The following NUBPL variants were observed in gnomAD, a reference collection of about 807,000 sequenced individuals.
NUBPL encodes iron-sulfur cluster transfer protein NUBPL.
NUBPL carries 31 observed loss-of-function variants against 45.7 expected under a neutral mutation model. That is an observed-to-expected ratio of 0.68 (90% CI 0.51 to 0.92). NUBPL has a LOEUF of 0.92. NUBPL is among the 40% of genes least tolerant of loss of function. The probability of loss-of-function intolerance (pLI) is 0.00; values close to 1 mark genes in which losing one functional copy is unlikely to be tolerated. For missense variants in NUBPL, 401 were observed against 398.7 expected (o/e 1.01, Z -0.05); for synonymous variants, 144 against 140.9 (o/e 1.02, Z -0.15).
chr14:31,593,880 G>A (rs1346626304), intron 3 of NUBPL, among the ~76,000 whole-genome samples: 1 of 152,126 alleles, frequency 6.6e-6, no homozygotes, highest in African/African-American at 2.4e-5. Context: ...GAAGCTGCAA[G>A]ACAGTAATAT....
At chr14:31,799,392 C>G (rs2138858618) in intron 7 of NUBPL, among the ~76,000 whole-genome samples, 1 of 152,186 alleles carries the variant, frequency 6.6e-6, no homozygotes, top group Admixed American at 6.5e-5. Context: ...ATATTTAGTA[C>G]CTTACTAAAC....
intron 4 of NUBPL, among the ~76,000 whole-genome samples, chr14:31,626,481 C>T (rs2035210803): frequency 6.6e-6 from 1 of 152,202 alleles, no homozygotes; most frequent in Non-Finnish European, 1.5e-5. Flanking sequence ...CATATAATCT[C>T]TGTAACCTTC....
intron 7 of NUBPL, among the ~76,000 whole-genome samples, chr14:31,803,190 A>C (rs1224603787): frequency 6.6e-6 from 1 of 152,230 alleles, no homozygotes; most frequent in African/African-American, 2.4e-5. Flanking sequence ...TGACCCATGC[A>C]CCATTACTTT....
At chr14:31,754,475 T>G (rs554998454) in intron 6 of NUBPL, among the ~76,000 whole-genome samples, 1 of 152,118 alleles carries the variant, frequency 6.6e-6, no homozygotes, top group Non-Finnish European at 1.5e-5. Context: ...TGGAAAATCC[T>G]GTAGGAGAAA....
rs373055016 is a variant in NUBPL at position 31,562,221 on chromosome 14, A to G, written c.256+6A>G. ...CGGAAAATCTACTACAGCAGGTATT[A>G]TAGGATATTAATTCTATTCCTGATT... On this transcript the variant is annotated splice_donor_region_variant and intron_variant, in intron 2 of 10. Transcript: ENST00000281081. 209 of 1,611,782 alleles carry G rather than the reference A, an allele frequency of 1.3e-4. No individual in the cohort carries two copies. The highest frequency in any genetic ancestry group is 1.6e-4 in the Non-Finnish European group (190 of 1,178,482).
Position 31,638,783 on chromosome 14 carries a change from C to T in NUBPL, c.383-34572C>T, listed in dbSNP as rs577101116. On this transcript the variant is annotated intron_variant, in intron 4 of 10. Coordinates refer to ENST00000281081, the MANE Select transcript of NUBPL (RefSeq NM_025152.3). ...TCCCATATCTCTTGAAGGCTTTGTT[C>T]GTTTCTATTCTTTTTTCTCTAAACT... 1.1e-4 allele frequency among the ~76,000 whole-genome samples: 17 copies of T among 152,090 alleles called. No individual in the cohort carries two copies. In the East Asian group the frequency reaches 1.4e-3, roughly 12 times the overall value.
chr14:31,726,633 A>C (rs1217196012), intron 6 of NUBPL, among the ~76,000 whole-genome samples: 1 of 146,920 alleles, frequency 6.8e-6, no homozygotes, highest in Admixed American at 7.0e-5. Flanking sequence ...ATGTCTAGAG[A>C]GCACCATGCT....
At chr14:31,799,421 G>C (rs2039541290) in intron 7 of NUBPL, among the ~76,000 whole-genome samples, 1 of 152,072 alleles carries the variant, frequency 6.6e-6, no homozygotes, top group Admixed American at 6.5e-5. Flanking sequence ...AAGAAATAAG[G>C]TAATTTCTTA....
At chr14:31,730,463 CTTTTTT>C (rs1219334725) in intron 6 of NUBPL, among the ~76,000 whole-genome samples, 1 of 137,890 alleles carries the variant, frequency 7.3e-6, no homozygotes, top group Non-Finnish European at 1.6e-5. Flanking sequence ...ATCAAGTAAT[CTTTTTT>C]TTTTTTTTTT....
intron 4 of NUBPL, among the ~76,000 whole-genome samples, chr14:31,625,932 A>G (rs577212622): frequency 6.6e-6 from 1 of 152,158 alleles, no homozygotes; most frequent in Non-Finnish European, 1.5e-5. Flanking sequence ...TACCCCGATA[A>G]GGCTTGCAAT....
chr14:31,754,796 C>T (rs1219105140), intron 6 of NUBPL, among the ~76,000 whole-genome samples: 2 of 150,080 alleles, frequency 1.3e-5, no homozygotes, highest in African/African-American at 4.9e-5. Context: ...TTGCTGCACC[C>T]ATTAACTCGT....
chr14:31,800,091 C>T (rs1211363300), intron 7 of NUBPL, among the ~76,000 whole-genome samples: 1 of 151,434 alleles, frequency 6.6e-6, no homozygotes, highest in East Asian at 1.9e-4. Context: ...AGGAGCAATT[C>T]CTTATCTGTT....
At chr14:31,814,178 C>T (rs1475491471) in intron 7 of NUBPL, among the ~76,000 whole-genome samples, 5 of 152,242 alleles carry the variant, frequency 3.3e-5, no homozygotes, top group African/African-American at 1.2e-4. Flanking sequence ...TATTTCTCCA[C>T]AACCTCTCCA....
chr14:31,839,688 CA>C (rs974318455), intron 8 of NUBPL, among the ~76,000 whole-genome samples: 30 of 152,090 alleles, frequency 2.0e-4, no homozygotes, highest in African/African-American at 7.2e-4. Context: ...AAAATATTTG[CA>C]AAACATGCAT....
At chr14:31,711,738 G>A (rs375726207) in intron 6 of NUBPL, among the ~76,000 whole-genome samples, 175 of 152,164 alleles carry the variant, frequency 1.2e-3, no homozygotes, top group Middle Eastern at 6.8e-3. Flanking sequence ...GCAGACCTTC[G>A]CGGTGAGTGT....
chr14:31,676,219 C>T (rs1483884383), intron 6 of NUBPL, among the ~76,000 whole-genome samples: 2 of 151,982 alleles, frequency 1.3e-5, no homozygotes, highest in Non-Finnish European at 2.9e-5. Flanking sequence ...GACGGGGTTT[C>T]TCCATGTTGG....
intron 3 of NUBPL, among the ~76,000 whole-genome samples, chr14:31,579,208 C>T (rs756655159): frequency 3.3e-5 from 5 of 152,156 alleles, no homozygotes; most frequent in Non-Finnish European, 2.9e-5. Flanking sequence ...GATGAAGGCT[C>T]TAGTTGTCCT....
At position 31,821,525 on chromosome 14, in the gene NUBPL, G is replaced by A. The variant is rs113941878; in HGVS notation, c.608-5104G>A. On this transcript the variant is annotated intron_variant, in intron 7 of 10. Coordinates refer to ENST00000281081, the MANE Select transcript of NUBPL (RefSeq NM_025152.3). Reference sequence around the variant, plus strand: ...CCAGTTAAAATGGCTTATGTCCAAAGTCAGGCAATAACAAAGCTGACAAGG... The same window carrying A: ...CCAGTTAAAATGGCTTATGTCCAAAATCAGGCAATAACAAAGCTGACAAGG... Among the ~76,000 whole-genome samples, 1,150 of 152,294 alleles carry A rather than the reference G, an allele frequency of 7.6e-3. 15 individuals are homozygous for A. Among genetic ancestry groups the A allele is most frequent in the African/African-American group, 0.026 (1,071 of 41,562 alleles).
In NUBPL at chr14:31,799,656, A is replaced by AT. The variant is rs777854729; in HGVS notation, c.607+11783_607+11784insT. Among the ~76,000 whole-genome samples the AT allele has an allele frequency of 1.2e-4, 19 of 152,326 alleles. No homozygotes were observed. In the East Asian group the frequency reaches 2.3e-3, roughly 19 times the overall value. ...GTGTATACAACATTATGTCTTTAAA[A>AT]ATATACATTCCTTAAATATTTTATT... On this transcript the variant is annotated intron_variant, in intron 7 of 10. Transcript: ENST00000281081.
Sources: gnomAD v4.1 joint callset for allele counts (sites outside exome capture counted in the v4.1 genomes callset) on GRCh38, gnomAD v4.1.1 for gene constraint, MANE v1.5 for transcripts, NCBI Gene and HGNC (gene_info 2026-07-23, HGNC 2026-07-21) for gene names.